MEIS2: variants seen among roughly 807,000 people sequenced by gnomAD.
MEIS2 encodes homeobox protein Meis2.
MEIS2 carries 9 observed loss-of-function variants against 58.6 expected under a neutral mutation model. That is an observed-to-expected ratio of 0.15 (90% CI 0.09 to 0.27). MEIS2 has a LOEUF of 0.27. MEIS2 is among the 10% of genes least tolerant of loss of function. The probability of loss-of-function intolerance (pLI) is 1.00; values close to 1 mark genes in which losing one functional copy is unlikely to be tolerated. For missense variants in MEIS2, 427 were observed against 635.0 expected (o/e 0.67, Z 3.52); for synonymous variants, 221 against 228.4 (o/e 0.97, Z 0.29).
intron 7 of MEIS2, among the ~76,000 whole-genome samples, chr15:37,046,204 T>C (rs987571515): frequency 1.3e-5 from 2 of 152,186 alleles, no homozygotes; most frequent in East Asian, 3.8e-4. Flanking sequence ...GCCCAGACTG[T>C]GGCTGCTGCA....
chr15:36,934,365 G>T (rs1263881204), intron 9 of MEIS2, among the ~76,000 whole-genome samples: 2 of 151,996 alleles, frequency 1.3e-5, no homozygotes, highest in East Asian at 3.9e-4. Flanking sequence ...GAGGGAGGTA[G>T]GGGGAAAAGA....
At chr15:37,020,161 G>A (rs1051063295) in intron 8 of MEIS2, among the ~76,000 whole-genome samples, 2 of 152,056 alleles carry the variant, frequency 1.3e-5, no homozygotes, top group Admixed American at 6.5e-5. Flanking sequence ...ATTATGAATC[G>A]GGTCCTGTGG....
chr15:36,917,089 T>G (rs547116679), intron 9 of MEIS2, among the ~76,000 whole-genome samples: 1 of 152,320 alleles, frequency 6.6e-6, no homozygotes, highest in East Asian at 1.9e-4. Flanking sequence ...TCCTGTCTTG[T>G]CAGGAGAGGC....
chr15:37,074,651 C>T (rs562342029), intron 7 of MEIS2, among the ~76,000 whole-genome samples: 4 of 152,022 alleles, frequency 2.6e-5, no homozygotes, highest in African/African-American at 7.2e-5. Context: ...AAGGAACCAA[C>T]GGTTACTGGT....
chr15:36,995,121 A>AT (rs1211865049), intron 8 of MEIS2, among the ~76,000 whole-genome samples: 3 of 152,162 alleles, frequency 2.0e-5, no homozygotes, highest in Non-Finnish European at 1.5e-5. Flanking sequence ...ACTTACAGAA[A>AT]TTTCATTGCT....
intron 9 of MEIS2, among the ~76,000 whole-genome samples, chr15:36,911,333 T>C (rs2057014487): frequency 6.6e-6 from 1 of 152,004 alleles, no homozygotes; most frequent in South Asian, 2.1e-4. Context: ...CATATATACA[T>C]ATATATTTTC....
At chr15:37,001,419 T>C (rs565541808) in intron 8 of MEIS2, among the ~76,000 whole-genome samples, 110 of 152,324 alleles carry the variant, frequency 7.2e-4, no homozygotes, top group Middle Eastern at 3.4e-3. Flanking sequence ...GCTCATATAC[T>C]GGACTCTCAT....
intron 9 of MEIS2, among the ~76,000 whole-genome samples, chr15:36,939,254 G>A (rs1187075350): frequency 6.6e-6 from 1 of 152,094 alleles, no homozygotes; most frequent in Non-Finnish European, 1.5e-5. Context: ...TCAACCCAAC[G>A]AAAAGTTATG....
intron 8 of MEIS2, among the ~76,000 whole-genome samples, chr15:36,993,657 C>A (rs2141564552): frequency 6.6e-6 from 1 of 152,256 alleles, no homozygotes; most frequent in Middle Eastern, 3.4e-3. Flanking sequence ...GCTGCACTAT[C>A]AGGCACAACA....
intron 8 of MEIS2, among the ~76,000 whole-genome samples, chr15:36,998,236 G>GTTTTTTTTTTTTTTTTTTT (rs5811954): frequency 1.5e-5 from 1 of 66,772 alleles, no homozygotes. Context: ...AAAACACAAA[G>GTTTTTTTTTTTTTTTTTTT]TTTTTTTTTT....
chr15:37,036,987 G>A (rs771901748), intron 7 of MEIS2, 28 bp from the exon 8 acceptor site: 2 of 1,580,686 alleles, frequency 1.3e-6, no homozygotes, highest in African/African-American at 1.4e-5. Flanking sequence ...AAATACATTA[G>A]AGAAAACATC....
chr15:36,988,413 C>T (rs1311510996), intron 8 of MEIS2, among the ~76,000 whole-genome samples: 1 of 152,136 alleles, frequency 6.6e-6, no homozygotes, highest in Non-Finnish European at 1.5e-5. Context: ...AGTTCAGAGA[C>T]AATGAATGTT....
rs544162772 is a variant in MEIS2, at chr15:37,098,821, G to A, written c.13-622C>T. Reference sequence around the variant, plus strand: ...CGCTAATAATCAGCACGAGAACGCCGAGGACTAGGAAAGACTAGGGCCAGT... The same window carrying A: ...CGCTAATAATCAGCACGAGAACGCCAAGGACTAGGAAAGACTAGGGCCAGT... On this transcript the variant is annotated intron_variant, in intron 1 of 11. Transcript: ENST00000561208. 37 of 718,862 alleles carry A rather than the reference G, an allele frequency of 5.1e-5. No individual in the cohort carries two copies. In the African/African-American group the frequency reaches 6.9e-4, roughly 13 times the overall value. 44.5% of individuals were successfully genotyped at this position (718,862 alleles called of 1,614,324 possible). A position where few individuals can be genotyped will look rare whatever the true frequency, so the allele number is the denominator to read the frequency against.
At chr15:36,906,754 C>A (rs956672890) in intron 9 of MEIS2, among the ~76,000 whole-genome samples, 1 of 151,844 alleles carries the variant, frequency 6.6e-6, no homozygotes, top group Non-Finnish European at 1.5e-5. Flanking sequence ...CATGAATATT[C>A]CAGAGCTGCA....
At chr15:36,906,154 A>T (rs985757457) in intron 9 of MEIS2, among the ~76,000 whole-genome samples, 1 of 152,232 alleles carries the variant, frequency 6.6e-6, no homozygotes, top group Non-Finnish European at 1.5e-5. Context: ...CGATCTGGAA[A>T]ACATGGCTAT....
intron 9 of MEIS2, among the ~76,000 whole-genome samples, chr15:36,919,183 AAAAT>A (rs1391335985): frequency 6.6e-6 from 1 of 152,196 alleles, no homozygotes. Flanking sequence ...TCTGTCTCCA[AAAAT>A]AAATAAATAA....
chr15:36,913,519 T>C (rs1567043881), intron 9 of MEIS2, among the ~76,000 whole-genome samples: 1 of 152,162 alleles, frequency 6.6e-6, no homozygotes, highest in South Asian at 2.1e-4. Context: ...TACTGGCCGT[T>C]TCCAAATAAC....
intron 7 of MEIS2, among the ~76,000 whole-genome samples, chr15:37,059,994 G>A (rs941606080): frequency 1.3e-5 from 2 of 152,154 alleles, no homozygotes; most frequent in African/African-American, 4.8e-5. Flanking sequence ...GCAGTGGCAT[G>A]ATCATAGCTC....
chr15:36,927,071 A>G (rs149477332), intron 9 of MEIS2, among the ~76,000 whole-genome samples: 82 of 152,260 alleles, frequency 5.4e-4, no homozygotes, highest in African/African-American at 1.9e-3. Context: ...TTTTCTTCCT[A>G]CCGATGTGCT....
Sources: allele counts gnomAD v4.1 joint callset (sites outside exome capture counted in the v4.1 genomes callset), GRCh38; gene constraint gnomAD v4.1.1; transcripts MANE v1.5; gene names NCBI Gene and HGNC (gene_info 2026-07-23, HGNC 2026-07-21).